Variants in FRMD4B observed in about 807,000 individuals in gnomAD.
FRMD4B encodes the protein FERM domain containing 4B.
A neutral mutation model predicts 141.5 loss-of-function variants in FRMD4B; 74 were observed. That is an observed-to-expected ratio of 0.52 (90% confidence interval 0.43 to 0.63). FRMD4B has a LOEUF of 0.63. Among genes scored for constraint, FRMD4B ranks in the 30% least tolerant of loss-of-function variants. The pLI is 0.00. For missense variants in FRMD4B, 1,366 were observed against 1,253.4 expected (o/e 1.09, Z -1.36); for synonymous variants, 506 against 467.9 (o/e 1.08, Z -1.05).
chr3:69,228,207 C>T (rs1358809534), intron 7 of FRMD4B, among the ~76,000 whole-genome samples: 1 of 152,186 alleles, frequency 6.6e-6, no homozygotes, highest in Non-Finnish European at 1.5e-5. Flanking sequence ...GTCAATAGTG[C>T]TGAGATTGAG....
intron 1 of FRMD4B, among the ~76,000 whole-genome samples, chr3:69,325,393 C>A (rs953232336): frequency 6.6e-6 from 1 of 152,164 alleles, no homozygotes; most frequent in African/African-American, 2.4e-5. Flanking sequence ...AATGACAATC[C>A]CTTATCAGAT....
chr3:69,459,490 G>A (rs181085120), intron 1 of FRMD4B, among the ~76,000 whole-genome samples: 1 of 152,310 alleles, frequency 6.6e-6, no homozygotes, highest in Admixed American at 6.5e-5. Context: ...TAAAATGCCT[G>A]TATGTGCTAC....
At chr3:69,323,613 T>TAC (rs1372918349) in intron 1 of FRMD4B, among the ~76,000 whole-genome samples, 2 of 20,500 alleles carry the variant, frequency 9.8e-5, no homozygotes, top group Non-Finnish European at 1.8e-4. Context: ...TCTGTGTATA[T>TAC]ATATATATAT....
intron 1 of FRMD4B, chr3:69,535,854 G>T: frequency 2.2e-6 from 1 of 458,760 alleles, no homozygotes; most frequent in Admixed American, 2.6e-5. Flanking sequence ...CCTTGGTCTT[G>T]GCTACCACCT....
chr3:69,290,726 T>G (rs1166386309), intron 4 of FRMD4B, among the ~76,000 whole-genome samples: 1 of 152,182 alleles, frequency 6.6e-6, no homozygotes, highest in Non-Finnish European at 1.5e-5. Context: ...CTCATTTAAT[T>G]ATCACAACTG....
chr3:69,393,756 T>C (rs994555796), intron 2 of FRMD4B, among the ~76,000 whole-genome samples: 1 of 152,218 alleles, frequency 6.6e-6, no homozygotes, highest in Non-Finnish European at 1.5e-5. Context: ...AGCACCATTA[T>C]TTTTTCTAAA....
rs891313616 is a variant in FRMD4B at position 69,171,153 on chromosome 3, A to G, written c.*708T>C. 6.6e-6 allele frequency: 1 copy of G among 152,208 alleles called. No individual in the cohort carries two copies. The highest frequency in any genetic ancestry group is 1.5e-5 in the Non-Finnish European group (1 of 68,054). The allele number at this position is 152,208 out of a possible 1,614,324, so 9.4% of individuals were successfully genotyped here. A position where few individuals can be genotyped will look rare whatever the true frequency, so the allele number is the denominator to read the frequency against. ...AATGTTCTCCAAGCAGACTTTGTCA[A>G]TTATTCAGTGGGCTGCTTCATTTTC... On this transcript the variant is annotated 3_prime_UTR_variant, in exon 23 of 23. Coordinates refer to ENST00000398540, the MANE Select transcript of FRMD4B (RefSeq NM_015123.3).
chr3:69,344,484 A>C (rs1342719831), intron 1 of FRMD4B, among the ~76,000 whole-genome samples: 2 of 152,220 alleles, frequency 1.3e-5, no homozygotes, highest in African/African-American at 2.4e-5. Context: ...AGCATTTCTA[A>C]GCTGAAAAAT....
chr3:69,268,151 G>A (rs2093576704), intron 5 of FRMD4B, among the ~76,000 whole-genome samples: 1 of 151,884 alleles, frequency 6.6e-6, no homozygotes, highest in Admixed American at 6.6e-5. Context: ...AAATATCAGA[G>A]ACTGGCTCCA....
rs564428479 is a variant in FRMD4B at position 69,469,939 on chromosome 3, G to A, written c.-128-37178C>T. On this transcript the variant is annotated intron_variant, in intron 1 of 5. Coordinates refer to the FRMD4B transcript ENST00000459638. ...TTTCACCAAATTGCTGTGTTGCAGC[G>A]AATGTTTCAGATTAACAGCAGTATA... is the stretch of plus-strand genomic sequence containing the variant. 1.0e-3 allele frequency among the ~76,000 whole-genome samples: 157 copies of A among 152,224 alleles called. 1 individual carries two copies. The highest frequency in any genetic ancestry group is 8.3e-4 in the South Asian group (4 of 4,814).
intron 2 of FRMD4B, among the ~76,000 whole-genome samples, chr3:69,412,370 G>A (rs1352157683): frequency 6.6e-6 from 1 of 152,200 alleles, no homozygotes; most frequent in Non-Finnish European, 1.5e-5. Flanking sequence ...CAGACTATGT[G>A]GTGGACTGGT....
intron 1 of FRMD4B, among the ~76,000 whole-genome samples, chr3:69,360,561 G>A (rs1703444111): frequency 6.6e-6 from 1 of 152,096 alleles, no homozygotes; most frequent in African/African-American, 2.4e-5. Flanking sequence ...ACAGGTTCCT[G>A]TTCCATCCAT....
At chr3:69,415,080 G>T (rs954583079) in intron 2 of FRMD4B, among the ~76,000 whole-genome samples, 32 of 151,734 alleles carry the variant, frequency 2.1e-4, no homozygotes, top group Non-Finnish European at 4.1e-4. Context: ...TGGTCAGGCT[G>T]GTGTCTAACT....
chr3:69,346,485 A>G (rs1702947854), intron 1 of FRMD4B, among the ~76,000 whole-genome samples: 1 of 152,196 alleles, frequency 6.6e-6, no homozygotes, highest in South Asian at 2.1e-4. Flanking sequence ...AGAGAATGCC[A>G]CAAAGATACT....
chr3:69,185,559 C>A (rs2092757540), intron 19 of FRMD4B, among the ~76,000 whole-genome samples: 1 of 152,118 alleles, frequency 6.6e-6, no homozygotes, highest in East Asian at 1.9e-4. Context: ...TCTAGGCTAC[C>A]TAGGTTCAAA....
intron 5 of FRMD4B, among the ~76,000 whole-genome samples, chr3:69,256,760 C>G (rs1458105267): frequency 6.6e-6 from 1 of 152,202 alleles, no homozygotes; most frequent in Non-Finnish European, 1.5e-5. Context: ...CCAGGAGTTA[C>G]TCTGCCCCCT....
intron 11 of FRMD4B, among the ~76,000 whole-genome samples, chr3:69,208,450 T>C (rs1002821365): frequency 3.3e-5 from 5 of 152,156 alleles, no homozygotes; most frequent in Non-Finnish European, 7.4e-5. Context: ...TCCGCCTACG[T>C]CGGCTTCCCA....
intron 1 of FRMD4B, among the ~76,000 whole-genome samples, chr3:69,508,949 C>T (rs974282929): frequency 6.6e-6 from 1 of 152,198 alleles, no homozygotes; most frequent in East Asian, 1.9e-4. Flanking sequence ...AGCTAGAATT[C>T]GAACCCATTG....
chr3:69,338,739 T>C (rs1038947097), intron 1 of FRMD4B, among the ~76,000 whole-genome samples: 1 of 152,148 alleles, frequency 6.6e-6, no homozygotes, highest in African/African-American at 2.4e-5. Context: ...AGTACTACTA[T>C]GCTTATTACC....
Sources: allele counts gnomAD v4.1 joint callset (sites outside exome capture counted in the v4.1 genomes callset), GRCh38; gene constraint gnomAD v4.1.1; transcripts MANE v1.5; gene names NCBI Gene and HGNC (gene_info 2026-07-23, HGNC 2026-07-21).